The following CA10 variants were observed in gnomAD, a reference collection of about 807,000 sequenced individuals.
The protein encoded by CA10 is carbonic anhydrase-related protein 10.
Under a neutral mutation model 44.2 loss-of-function variants are expected in CA10, and 14 were observed. The ratio of observed to expected loss-of-function variants is 0.32; its 90% CI spans 0.21 to 0.50. The LOEUF is 0.50. CA10 is among the 20% of genes least tolerant of loss of function. CA10 has a pLI of 0.99. For synonymous variants in CA10, 159 were observed against 141.6 expected, an observed-to-expected ratio of 1.12 and a Z score of -0.87; for missense variants, 350 against 409.7, an observed-to-expected ratio of 0.85 and a Z score of 1.26.
intron 2 of CA10, among the ~76,000 whole-genome samples, chr17:52,042,365 G>A (rs1426773967): frequency 2.0e-5 from 3 of 151,818 alleles, no homozygotes; most frequent in Non-Finnish European, 4.4e-5. Flanking sequence ...GCCTTTTCAT[G>A]TACCTGCTGG....
At chr17:52,159,654 G>C (rs1188449001), upstream of CA10, 2 of 152,268 alleles carry the variant, frequency 1.3e-5, no homozygotes, top group Non-Finnish European at 2.9e-5. Context: ...AGGGCCCCAG[G>C]GGAAAGTAGG....
At chr17:51,710,295 A>C (rs1364086183) in intron 4 of CA10, among the ~76,000 whole-genome samples, 1 of 152,214 alleles carries the variant, frequency 6.6e-6, no homozygotes, top group Non-Finnish European at 1.5e-5. Flanking sequence ...TTTTGAAGGC[A>C]GCAGAAAACC....
intron 3 of CA10, among the ~76,000 whole-genome samples, chr17:51,824,512 T>C (rs1907935463): frequency 6.6e-6 from 1 of 152,126 alleles, no homozygotes; most frequent in Admixed American, 6.5e-5. Context: ...AATTCAGAAG[T>C]TTTAATGCCA....
chr17:51,959,341 TTC>T (rs996436175), intron 2 of CA10, among the ~76,000 whole-genome samples: 5 of 150,122 alleles, frequency 3.3e-5, no homozygotes, highest in Non-Finnish European at 7.4e-5. Flanking sequence ...GTCATTAATT[TTC>T]TCTTTCCAGT....
chr17:51,720,274 C>T (rs955343207), intron 4 of CA10, among the ~76,000 whole-genome samples: 3 of 152,152 alleles, frequency 2.0e-5, no homozygotes, highest in African/African-American at 7.2e-5. Context: ...TCTGCACTTC[C>T]TTTTATAGCA....
intron 3 of CA10, among the ~76,000 whole-genome samples, chr17:51,883,649 C>T (rs539503965): frequency 3.9e-5 from 6 of 152,298 alleles, no homozygotes; most frequent in African/African-American, 9.6e-5. Flanking sequence ...AGTTTCCCAG[C>T]TCCCTCCCTG....
chr17:52,013,165 A>G, intron 2 of CA10, among the ~76,000 whole-genome samples: 1 of 152,054 alleles, frequency 6.6e-6, no homozygotes, highest in East Asian at 1.9e-4. Flanking sequence ...AGAAAAAGAG[A>G]TATCCATTGA....
chr17:51,743,129 G>T (rs924921111), intron 4 of CA10, among the ~76,000 whole-genome samples: 2 of 152,246 alleles, frequency 1.3e-5, no homozygotes, highest in Non-Finnish European at 2.9e-5. Flanking sequence ...CTTGCATGAA[G>T]TGGCTGGTAC....
At chr17:52,122,169 G>A (rs910034896) in intron 1 of CA10, among the ~76,000 whole-genome samples, 3 of 152,176 alleles carry the variant, frequency 2.0e-5, no homozygotes, top group African/African-American at 7.2e-5. Flanking sequence ...GATGCTGGGG[G>A]CTAGTTGATG....
intron 2 of CA10, among the ~76,000 whole-genome samples, chr17:52,013,856 T>TC (rs1461687821): frequency 6.6e-6 from 1 of 151,944 alleles, no homozygotes; most frequent in Non-Finnish European, 1.5e-5. Context: ...TAGTTGACCC[T>TC]CCATAGCCAT....
At chr17:51,812,751 T>C (rs978900133) in intron 3 of CA10, among the ~76,000 whole-genome samples, 2 of 152,240 alleles carry the variant, frequency 1.3e-5, no homozygotes, top group African/African-American at 4.8e-5. Context: ...CCTTTTGTAA[T>C]GCTGTCCTGA....
At chr17:51,906,725 C>G (rs1053960127) in intron 3 of CA10, among the ~76,000 whole-genome samples, 7 of 152,070 alleles carry the variant, frequency 4.6e-5, no homozygotes, top group Non-Finnish European at 1.0e-4. Flanking sequence ...TCCTGATCTC[C>G]CATCCCTGCC....
chr17:51,951,760 T>G (rs191040617), intron 2 of CA10, among the ~76,000 whole-genome samples: 100 of 152,174 alleles, frequency 6.6e-4, no homozygotes, highest in Non-Finnish European at 4.4e-5. Flanking sequence ...ACTCTAAGAG[T>G]TGCTACCATA....
intron 1 of CA10, among the ~76,000 whole-genome samples, chr17:52,119,516 C>T (rs1988967542): frequency 6.6e-6 from 1 of 152,088 alleles, no homozygotes; most frequent in African/African-American, 2.4e-5. Flanking sequence ...ATCACATGTT[C>T]TTGGACCTCA....
At chr17:52,002,213 GAA>G (rs928910294) in intron 2 of CA10, among the ~76,000 whole-genome samples, 1 of 151,428 alleles carries the variant, frequency 6.6e-6, no homozygotes, top group African/African-American at 2.4e-5. Flanking sequence ...TTAAAAAAAA[GAA>G]AAGTTATAAA....
At chr17:52,148,411 C>T (rs188331670) in intron 1 of CA10, among the ~76,000 whole-genome samples, 17 of 152,164 alleles carry the variant, frequency 1.1e-4, no homozygotes, top group African/African-American at 3.1e-4. Flanking sequence ...ACAAAAGGGC[C>T]GAAATACATT....
At chr17:51,980,285 T>C (rs1231023118) in intron 2 of CA10, among the ~76,000 whole-genome samples, 1 of 152,206 alleles carries the variant, frequency 6.6e-6, no homozygotes, top group Non-Finnish European at 1.5e-5. Context: ...TGATCAGTAA[T>C]GTTGATCTTT....
intron 3 of CA10, among the ~76,000 whole-genome samples, chr17:51,848,707 A>G (rs573241656): frequency 9.2e-5 from 14 of 152,296 alleles, no homozygotes; most frequent in African/African-American, 2.6e-4. Context: ...CTTACAAAAC[A>G]TTTATAGTGG....
chr17:52,010,290 A>T (rs1263657699), intron 2 of CA10, among the ~76,000 whole-genome samples: 1 of 152,046 alleles, frequency 6.6e-6, no homozygotes, highest in East Asian at 1.9e-4. Context: ...GAAAAAAGAT[A>T]CTTGTGCACA....
Sources: allele counts gnomAD v4.1 joint callset (sites outside exome capture counted in the v4.1 genomes callset), GRCh38; gene constraint gnomAD v4.1.1; transcripts MANE v1.5; gene names NCBI Gene and HGNC (gene_info 2026-07-23, HGNC 2026-07-21).